The following TRHDE variants were observed in gnomAD, a reference collection of about 807,000 sequenced individuals.
The protein encoded by TRHDE is thyrotropin-releasing hormone-degrading ectoenzyme.
In TRHDE, 72 loss-of-function variants were observed where a neutral mutation model predicts 125.7. The observed-to-expected ratio is 0.57, with a 90% confidence interval of 0.47 to 0.70. The LOEUF (loss-of-function observed/expected upper bound fraction) is 0.70, where lower values mean the gene tolerates loss of function less well. Ranked by LOEUF, TRHDE falls within the 30% of genes least tolerant of loss-of-function variation. TRHDE has a pLI of 0.00. For missense variants in TRHDE, 1,110 were observed against 1,327.1 expected, an observed-to-expected ratio of 0.84 and a Z score of 2.54; for synonymous variants, 509 against 509.1, an observed-to-expected ratio of 1.00 and a Z score of 0.00.
At chr12:72,146,739 G>A (rs1021969635) in intron 2 of TRHDE, among the ~76,000 whole-genome samples, 17 of 152,172 alleles carry the variant, frequency 1.1e-4, no homozygotes, top group African/African-American at 4.1e-4. Context: ...GACGGCTTCA[G>A]TGTTAATCAG....
chr12:72,256,113 C>A (rs1878808547), intron 2 of TRHDE: 1 of 152,068 alleles, frequency 6.6e-6, no homozygotes, highest in Admixed American at 6.5e-5. Flanking sequence ...AAAAGTTGAC[C>A]ATCCATCAAC....
chr12:72,532,616 G>T (rs1386551446), intron 6 of TRHDE, among the ~76,000 whole-genome samples: 1 of 151,174 alleles, frequency 6.6e-6, no homozygotes, highest in Non-Finnish European at 1.5e-5. Flanking sequence ...ATGAATGAAT[G>T]CTAAGTAATA....
intron 6 of TRHDE, among the ~76,000 whole-genome samples, chr12:72,507,734 A>C (rs1333484503): frequency 6.6e-6 from 1 of 152,240 alleles, no homozygotes; most frequent in Non-Finnish European, 1.5e-5. Context: ...AGAAGAGCTG[A>C]ATGTCAATAG....
intron 3 of TRHDE, among the ~76,000 whole-genome samples, chr12:72,424,577 G>C (rs1029721705): frequency 6.6e-6 from 1 of 152,130 alleles, no homozygotes; most frequent in African/African-American, 2.4e-5. Context: ...GTGTTAACTT[G>C]TTATGCAGCA....
intron 3 of TRHDE, among the ~76,000 whole-genome samples, chr12:72,388,298 T>C (rs778066211): frequency 9.9e-5 from 15 of 152,242 alleles, no homozygotes; most frequent in Non-Finnish European, 2.1e-4. Context: ...CTTTTCTCCA[T>C]GGTATTTTTT....
intron 2 of TRHDE, among the ~76,000 whole-genome samples, chr12:72,342,917 T>C (rs1343001841): frequency 6.6e-6 from 1 of 152,208 alleles, no homozygotes; most frequent in African/African-American, 2.4e-5. Flanking sequence ...ATTTATTATG[T>C]GGCAGGCACT....
intron 2 of TRHDE, among the ~76,000 whole-genome samples, chr12:72,187,440 T>TTG (rs1877243402): frequency 1.0e-5 from 1 of 99,488 alleles, no homozygotes; most frequent in Non-Finnish European, 2.1e-5. Context: ...AGGCCCGAGG[T>TTG]GGGGGGGGTG....
intron 15 of TRHDE, among the ~76,000 whole-genome samples, chr12:72,644,600 C>A (rs549900134): frequency 6.6e-6 from 1 of 152,316 alleles, no homozygotes; most frequent in Non-Finnish European, 1.5e-5. Context: ...TCTTGGAGCT[C>A]TGACAGATCT....
chr12:72,639,878 G>A (rs902876167), intron 15 of TRHDE, among the ~76,000 whole-genome samples: 13 of 152,220 alleles, frequency 8.5e-5, no homozygotes, highest in East Asian at 1.9e-4. Context: ...CTCCAGCTGC[G>A]TGCTGGGAGA....
chr12:72,616,589 TGA>T (rs1210135438), intron 12 of TRHDE, among the ~76,000 whole-genome samples: 2 of 152,110 alleles, frequency 1.3e-5, no homozygotes, highest in African/African-American at 4.8e-5. Flanking sequence ...CTACAAAGTA[TGA>T]GTCATTAAAT....
intron 3 of TRHDE, among the ~76,000 whole-genome samples, chr12:72,445,484 G>A (rs1387706889): frequency 6.6e-6 from 1 of 151,818 alleles, no homozygotes; most frequent in African/African-American, 2.4e-5. Context: ...CTCATAGCTG[G>A]ATATTCTTTC....
intron 2 of TRHDE, among the ~76,000 whole-genome samples, chr12:72,181,773 G>C (rs980081018): frequency 1.3e-5 from 2 of 152,028 alleles, no homozygotes; most frequent in African/African-American, 2.4e-5. Flanking sequence ...TAGCTGCTCT[G>C]CTTGCTATTG....
At chr12:72,581,453 T>TATC (rs1871221313) in intron 12 of TRHDE, among the ~76,000 whole-genome samples, 1 of 152,158 alleles carries the variant, frequency 6.6e-6, no homozygotes, top group South Asian at 2.1e-4. Flanking sequence ...TGATCATCAT[T>TATC]ATCATCATCA....
intron 2 of TRHDE, among the ~76,000 whole-genome samples, chr12:72,198,470 G>A (rs1184702136): frequency 1.3e-5 from 2 of 152,078 alleles, no homozygotes; most frequent in South Asian, 2.1e-4. Flanking sequence ...CCCACAGCAA[G>A]CACTCAATAT....
At chr12:72,653,589 TAAAAC>T (rs767041352) in intron 17 of TRHDE, among the ~76,000 whole-genome samples, 8 of 152,088 alleles carry the variant, frequency 5.3e-5, no homozygotes, top group Non-Finnish European at 7.4e-5. Context: ...AATACCTGAA[TAAAAC>T]CATGATATAG....
chr12:72,617,743 A>G (rs1205901296), intron 12 of TRHDE, among the ~76,000 whole-genome samples: 1 of 152,160 alleles, frequency 6.6e-6, no homozygotes. Context: ...ATCAAGTTCC[A>G]GCAGATGAGA....
At chr12:72,357,655 T>C (rs1405553301) in intron 2 of TRHDE, among the ~76,000 whole-genome samples, 1 of 151,544 alleles carries the variant, frequency 6.6e-6, no homozygotes, top group African/African-American at 2.4e-5. Flanking sequence ...TTGTGAATAG[T>C]GCTGCAATGA....
chr12:72,609,601 A>G (rs1326669040), intron 12 of TRHDE, among the ~76,000 whole-genome samples: 4 of 152,062 alleles, frequency 2.6e-5, no homozygotes, highest in African/African-American at 9.7e-5. Context: ...TCAAACTTCA[A>G]CCTCCTCCCT....
intron 7 of TRHDE, among the ~76,000 whole-genome samples, chr12:72,558,061 G>A (rs1242736421): frequency 1.3e-5 from 2 of 151,686 alleles, no homozygotes; most frequent in Non-Finnish European, 2.9e-5. Flanking sequence ...GAGAGAGAGA[G>A]AAAGCACCTA....
Sources: gnomAD v4.1 joint callset for allele counts (sites outside exome capture counted in the v4.1 genomes callset) on GRCh38, gnomAD v4.1.1 for gene constraint, MANE v1.5 for transcripts, NCBI Gene and HGNC (gene_info 2026-07-23, HGNC 2026-07-21) for gene names.